RIN2: variants seen among roughly 807,000 people sequenced by gnomAD.
The protein encoded by RIN2 is Ras and Rab interactor 2.
A neutral mutation model predicts 78.0 loss-of-function variants in RIN2; 36 were observed. The observed-to-expected ratio is 0.46, with a 90% CI of 0.35 to 0.61. RIN2 has a LOEUF of 0.61. Ranked by LOEUF, RIN2 falls within the 20% of genes least tolerant of loss-of-function variation. The pLI is 0.00. For synonymous variants in RIN2, 466 were observed against 466.8 expected, an observed-to-expected ratio of 1.00 and a Z score of 0.02; for missense variants, 1,087 against 1,159.7, an observed-to-expected ratio of 0.94 and a Z score of 0.91.
intron 1 of RIN2, among the ~76,000 whole-genome samples, chr20:19,792,360 A>T (rs2034914657): frequency 1.3e-5 from 2 of 152,230 alleles, no homozygotes; most frequent in African/African-American, 4.8e-5. Flanking sequence ...ATATTGACTG[A>T]GGCCTCATAG....
chr20:19,818,508 C>T lies in RIN2; in HGVS notation c.-37+18761C>T, dbSNP rs534969932. On this transcript the variant is annotated intron_variant, in intron 2 of 12. Coordinates refer to ENST00000255006, the MANE Select transcript of RIN2 (RefSeq NM_018993.4). ...CAGCACTTTGGGAAGCCAAGGTGGG[C>T]GGATCACAAGGTCAGGAGTTTGAGA... Among the ~76,000 whole-genome samples the T allele has an allele frequency of 2.7e-4, 41 of 152,092 alleles. 1 individual carries two copies. The South Asian group carries it at 4.0e-3, about 15-fold the overall frequency.
At chr20:19,918,667 A>C (rs1472107313) in intron 3 of RIN2, among the ~76,000 whole-genome samples, 1 of 152,160 alleles carries the variant, frequency 6.6e-6, no homozygotes, top group Non-Finnish European at 1.5e-5. Flanking sequence ...CAATACAATT[A>C]AAACCTCTGG....
chr20:19,861,967 C>CCATATCTGATGAT (rs2037356328), intron 2 of RIN2, among the ~76,000 whole-genome samples: 1 of 120,330 alleles, frequency 8.3e-6, no homozygotes, highest in African/African-American at 5.4e-5. Flanking sequence ...TGCTCACCCT[C>CCATATCTGATGAT]CATATCTGAT....
chr20:19,949,541 AT>A (rs1429217447), intron 4 of RIN2, among the ~76,000 whole-genome samples: 1 of 152,228 alleles, frequency 6.6e-6, no homozygotes, highest in Non-Finnish European at 1.5e-5. Flanking sequence ...GGTTTCTTAT[AT>A]CTAGAAAGTT....
chr20:19,925,177 G>A (rs891903390), intron 3 of RIN2, among the ~76,000 whole-genome samples: 1 of 152,060 alleles, frequency 6.6e-6, no homozygotes, highest in Non-Finnish European at 1.5e-5. Flanking sequence ...AGCCAACCCA[G>A]GGTATAGTGC....
At position 19,990,181 on chromosome 20, in the gene RIN2, T is replaced by G. The variant is rs1166150609; in HGVS notation, c.1938T>G (p.Pro646=). The G allele has an allele frequency of 6.2e-7, 1 of 1,607,820 alleles. No homozygotes were observed. The highest frequency in any genetic ancestry group is 8.5e-7 in the Non-Finnish European group (1 of 1,177,302). The change falls in exon 10 of 13, where the codon CCT becomes CCG. Residue 646 remains proline, a synonymous_variant. Coordinates refer to ENST00000255006, the MANE Select transcript of RIN2 (RefSeq NM_018993.4). The stretch of plus-strand genomic sequence containing the variant: ...AGCTGGGGGTCTTCGCCCCGACCCC[T>G]GATTTTGTGGATGTGGAGAAAATCA... ...PQELGVFAPT[P]DFVDVEKIKV...
intron 4 of RIN2, among the ~76,000 whole-genome samples, chr20:19,939,105 G>A (rs913648108): frequency 6.6e-6 from 1 of 152,212 alleles, no homozygotes; most frequent in South Asian, 2.1e-4. Flanking sequence ...GTGCAGTGGT[G>A]ACACGATCTC....
chr20:19,777,168 G>A (rs1175902132), intron 1 of RIN2, among the ~76,000 whole-genome samples: 1 of 152,210 alleles, frequency 6.6e-6, no homozygotes, highest in Admixed American at 6.5e-5. Context: ...AAATGTAGGA[G>A]GTTTAGAAGA....
chr20:19,792,400 G>A (rs945871187), intron 1 of RIN2, among the ~76,000 whole-genome samples: 6 of 152,188 alleles, frequency 3.9e-5, no homozygotes, highest in African/African-American at 7.2e-5. Flanking sequence ...TTAAACAAGA[G>A]CAGAATCCAC....
At chr20:19,783,774 G>T (rs574527927) in intron 1 of RIN2, among the ~76,000 whole-genome samples, 1 of 152,284 alleles carries the variant, frequency 6.6e-6, no homozygotes, top group East Asian at 1.9e-4. Context: ...GAGGGGTGGA[G>T]GTGTGGGAGG....
rs2041562250 is a variant in RIN2, at chr20:19,956,805, G to C, written c.349G>C (p.Gly117Arg). 1.3e-6 allele frequency: 2 copies of C among 1,570,614 alleles called. No homozygotes were observed. The highest frequency in any genetic ancestry group is 2.7e-5 in the African/African-American group (2 of 74,020). The change falls in exon 5 of 13, where the codon GGG becomes CGG. Residue 117 changes from glycine to arginine, a missense_variant and splice_region_variant. This residue lies in a region of RIN2 where 706 missense variants were observed against 667.5 expected (regional missense o/e 1.06). Transcript: ENST00000255006. ...AAEVLQAQPP[G>R]IFLVHKSTKM... ...AGAGGTCCTGCAGGCCCAGCCTCCGGGGGTAAGACTCAGAACCTCGGGAAG... is the reference window on the plus strand; with the variant it reads ...AGAGGTCCTGCAGGCCCAGCCTCCGCGGGTAAGACTCAGAACCTCGGGAAG...
At chr20:19,781,761 G>A (rs989068970) in intron 1 of RIN2, among the ~76,000 whole-genome samples, 5 of 151,526 alleles carry the variant, frequency 3.3e-5, no homozygotes, top group Non-Finnish European at 5.9e-5. Flanking sequence ...GAGGCAAAGA[G>A]CTATGAAGGA....
At chr20:19,964,906 A>G in intron 6 of RIN2, 46 bp from the exon 7 acceptor site, 8 of 1,537,152 alleles carry the variant, frequency 5.2e-6, no homozygotes, top group Non-Finnish European at 7.2e-6. Flanking sequence ...CCTGTCCCAG[A>G]ACGTGCTCAG....
chr20:19,842,137 C>A (rs574698058), intron 2 of RIN2, among the ~76,000 whole-genome samples: 1 of 152,322 alleles, frequency 6.6e-6, no homozygotes, highest in South Asian at 2.1e-4. Flanking sequence ...TAGGCTAAAT[C>A]TACTCTGCCT....
At chr20:19,783,158 CACA>C (rs1232625953) in intron 1 of RIN2, among the ~76,000 whole-genome samples, 4 of 152,212 alleles carry the variant, frequency 2.6e-5, no homozygotes, top group African/African-American at 9.7e-5. Context: ...CAGATCATAA[CACA>C]ACAAATATTT....
intron 1 of RIN2, among the ~76,000 whole-genome samples, chr20:19,775,756 A>G (rs1346457149): frequency 6.6e-6 from 1 of 152,232 alleles, no homozygotes; most frequent in African/African-American, 2.4e-5. Context: ...CCAAACTCCT[A>G]AGTGCCAAGC....
In RIN2 at chr20:19,990,100, C is replaced by A; in HGVS notation, c.1857C>A (p.Gly619=). The A allele has an allele frequency of 6.2e-7, 1 of 1,600,436 alleles. No homozygotes were observed. Among genetic ancestry groups the A allele is most frequent in the Non-Finnish European group, 8.5e-7 (1 of 1,173,500 alleles). The change falls in exon 10 of 13, where the codon GGC becomes GGA. Residue 619 remains glycine (G), a synonymous_variant. Transcript: ENST00000255006. The part of the protein sequence containing the change: ...AMLKDFHMAD[G]SWKQLKENLQ... ...TGAAGGACTTTCACATGGCCGATGG[C>A]TCATGGAAGCAACTCAAGGAGAACC...
intron 2 of RIN2, among the ~76,000 whole-genome samples, chr20:19,879,288 T>C (rs1315685437): frequency 1.3e-5 from 2 of 152,216 alleles, no homozygotes; most frequent in Non-Finnish European, 2.9e-5. Flanking sequence ...GACTCTTTCA[T>C]AGACACACAA....
chr20:19,921,298 G>A (rs1156972814), intron 3 of RIN2, among the ~76,000 whole-genome samples: 1 of 152,170 alleles, frequency 6.6e-6, no homozygotes, highest in African/African-American at 2.4e-5. Flanking sequence ...GTGTTTTTGG[G>A]TGGTGGATAA....
Sources: allele counts gnomAD v4.1 joint callset (sites outside exome capture counted in the v4.1 genomes callset), GRCh38; gene constraint gnomAD v4.1.1; regional missense constraint gnomAD v4.1.1; transcripts MANE v1.5; gene names NCBI Gene and HGNC (gene_info 2026-07-23, HGNC 2026-07-21).